Variants in TNFRSF19 observed in about 807,000 individuals in gnomAD.
TNFRSF19 encodes tumor necrosis factor receptor superfamily member 19.
In TNFRSF19, 27 loss-of-function variants were observed where a neutral mutation model predicts 46.4. The observed-to-expected ratio is 0.58, with a 90% confidence interval of 0.43 to 0.80. TNFRSF19 has a LOEUF of 0.80. Among genes scored for constraint, TNFRSF19 ranks in the 30% least tolerant of loss-of-function variants. The pLI is 0.00. For synonymous variants in TNFRSF19, 204 were observed against 205.0 expected (o/e 1.00, Z 0.04); for missense variants, 511 against 530.8 (o/e 0.96, Z 0.37).
chr13:23,655,932 G>A (rs189749985), intron 5 of TNFRSF19, among the ~76,000 whole-genome samples: 46 of 152,142 alleles, frequency 3.0e-4, no homozygotes, highest in African/African-American at 1.0e-3. Flanking sequence ...ATGTGACAAA[G>A]CTAAAAATGA....
At chr13:23,598,740 C>T (rs986095967) in intron 3 of TNFRSF19, among the ~76,000 whole-genome samples, 7 of 152,164 alleles carry the variant, frequency 4.6e-5, no homozygotes, top group South Asian at 2.1e-4. Flanking sequence ...CTTGTGAGCA[C>T]GTTCAGAGCT....
intron 1 of TNFRSF19, among the ~76,000 whole-genome samples, chr13:23,583,857 A>G (rs1252691517): frequency 2.0e-5 from 3 of 152,208 alleles, no homozygotes; most frequent in Non-Finnish European, 4.4e-5. Flanking sequence ...TGATGCTACC[A>G]TTGTTCCATT....
At chr13:23,597,602 TTAATAGCCTACCA>T in intron 3 of TNFRSF19, among the ~76,000 whole-genome samples, 1 of 137,466 alleles carries the variant, frequency 7.3e-6, no homozygotes, top group African/African-American at 2.7e-5. Flanking sequence ...GAGGCAATAA[TTAATAGCCTACCA>T]ACCAAAAAAA....
chr13:23,619,310 T>G (rs1315421959), intron 4 of TNFRSF19, among the ~76,000 whole-genome samples: 1 of 152,212 alleles, frequency 6.6e-6, no homozygotes, highest in African/African-American at 2.4e-5. Flanking sequence ...TCTATTGAAA[T>G]GTCCAGAATG....
chr13:23,670,943 C>T (rs1357815109), intron 9 of TNFRSF19, among the ~76,000 whole-genome samples: 1 of 152,224 alleles, frequency 6.6e-6, no homozygotes, highest in East Asian at 1.9e-4. Flanking sequence ...AATTACCACT[C>T]ACCTTAATTT....
At chr13:23,578,934 G>A (rs1878161294) in intron 1 of TNFRSF19, among the ~76,000 whole-genome samples, 3 of 152,234 alleles carry the variant, frequency 2.0e-5, no homozygotes, top group Non-Finnish European at 4.4e-5. Context: ...GCCGGCTGAG[G>A]AGCCGAGGTC....
chr13:23,666,327 G>A (rs1484274802), intron 7 of TNFRSF19, among the ~76,000 whole-genome samples: 1 of 152,216 alleles, frequency 6.6e-6, no homozygotes, highest in African/African-American at 2.4e-5. Flanking sequence ...TCATTACTAT[G>A]ATGGTTAACA....
intron 3 of TNFRSF19, among the ~76,000 whole-genome samples, chr13:23,610,982 A>G (rs905800758): frequency 6.6e-5 from 10 of 152,280 alleles, no homozygotes; most frequent in African/African-American, 2.2e-4. Flanking sequence ...TAAAACAGAA[A>G]TGCATTTCTA....
intron 9 of TNFRSF19, among the ~76,000 whole-genome samples, chr13:23,670,698 A>G (rs996949365): frequency 6.6e-6 from 1 of 152,256 alleles, no homozygotes; most frequent in African/African-American, 2.4e-5. Flanking sequence ...AGAGCAGGTA[A>G]CAAGTCCTTC....
chr13:23,583,256 A>G (rs1878582832), intron 1 of TNFRSF19, among the ~76,000 whole-genome samples: 1 of 152,242 alleles, frequency 6.6e-6, no homozygotes, highest in South Asian at 2.1e-4. Flanking sequence ...TAAGTAGGCC[A>G]TAATAGTTCA....
At chr13:23,600,970 T>A (rs367560882) in intron 3 of TNFRSF19, among the ~76,000 whole-genome samples, 3 of 152,210 alleles carry the variant, frequency 2.0e-5, no homozygotes, top group South Asian at 4.1e-4. Context: ...TTGGCAGGGA[T>A]CTTGGAGTTA....
chr13:23,594,041 C>T (rs540870811), intron 3 of TNFRSF19, among the ~76,000 whole-genome samples: 5 of 152,182 alleles, frequency 3.3e-5, no homozygotes. Flanking sequence ...CCTTGAGGGA[C>T]TGTGCCATGA....
intron 1 of TNFRSF19, among the ~76,000 whole-genome samples, chr13:23,578,410 G>C (rs1237531373): frequency 1.3e-5 from 2 of 152,244 alleles, no homozygotes; most frequent in East Asian, 1.9e-4. Flanking sequence ...CAAGTACCTA[G>C]TATAGTGCTA....
At chr13:23,613,721 C>T (rs3794352) in intron 3 of TNFRSF19, among the ~76,000 whole-genome samples, 80,059 of 151,984 alleles carry the variant, frequency 0.53, 21,334 homozygotes, top group South Asian at 0.64. Flanking sequence ...GCACCTGTGC[C>T]TTGATCCCAA....
chr13:23,619,215 G>A (rs976953459), intron 4 of TNFRSF19, among the ~76,000 whole-genome samples: 2 of 83,506 alleles, frequency 2.4e-5, no homozygotes, highest in African/African-American at 3.6e-5. Context: ...GGAAGGAAAT[G>A]CTGACATGCT....
chr13:23,620,809 G>A (rs909117177), intron 4 of TNFRSF19, among the ~76,000 whole-genome samples: 4 of 152,288 alleles, frequency 2.6e-5, no homozygotes, highest in African/African-American at 2.4e-5. Context: ...ACTGGAACCC[G>A]CCCTGAAGAG....
chr13:23,619,785 G>A (rs767215411), intron 4 of TNFRSF19, among the ~76,000 whole-genome samples: 1 of 152,290 alleles, frequency 6.6e-6, no homozygotes, highest in Non-Finnish European at 1.5e-5. Context: ...GGATGTACAG[G>A]CTGAGATAGG....
chr13:23,660,472 G>A lies in TNFRSF19; in HGVS notation c.718G>A (p.Asp240Asn). ...AHRACCQCRR[D>N]SVQTCGPVRL... The stretch of plus-strand genomic sequence containing the variant: ...CAGAGCCTGCTGCCAGTGCCGCCGT[G>A]ACTCAGTGCAGACCTGCGGTAAGTT... The change falls in exon 7 of 10, where the codon GAC becomes AAC. Residue 240 changes from aspartate to asparagine, a missense_variant. Asp to Asn is a conservative substitution (Grantham distance 23). This residue lies in a region of TNFRSF19 where 376 missense variants were observed against 372.7 expected (regional missense o/e 1.01). Transcript: ENST00000248484. 6.2e-7 allele frequency: 1 copy of A among 1,613,362 alleles called. No homozygotes were observed. Among genetic ancestry groups the A allele is most frequent in the South Asian group, 1.1e-5 (1 of 91,020 alleles).
intron 3 of TNFRSF19, among the ~76,000 whole-genome samples, chr13:23,611,304 A>G (rs1198835202): frequency 6.6e-6 from 1 of 151,842 alleles, no homozygotes; most frequent in Non-Finnish European, 1.5e-5. Flanking sequence ...TCCACTCCAA[A>G]TACAGCACAG....
Sources: allele counts gnomAD v4.1 joint callset (sites outside exome capture counted in the v4.1 genomes callset), GRCh38; gene constraint gnomAD v4.1.1; regional missense constraint gnomAD v4.1.1; transcripts MANE v1.5; gene names NCBI Gene and HGNC (gene_info 2026-07-23, HGNC 2026-07-21).